The following PDSS2 variants were observed in gnomAD, a reference collection of about 807,000 sequenced individuals.
The protein encoded by PDSS2 is all trans-polyprenyl-diphosphate synthase PDSS2.
PDSS2 carries 31 observed loss-of-function variants against 44.5 expected under a neutral mutation model. The ratio of observed to expected loss-of-function variants is 0.70; its 90% CI spans 0.52 to 0.94. PDSS2 has a LOEUF of 0.94. Among genes scored for constraint, PDSS2 ranks in the 40% least tolerant of loss-of-function variants. The pLI, the probability that PDSS2 is intolerant of heterozygous loss-of-function variation, is 0.00. For synonymous variants in PDSS2, 157 were observed against 180.3 expected (o/e 0.87, Z 1.03); for missense variants, 452 against 482.2 (o/e 0.94, Z 0.59).
rs114145391 is a variant in PDSS2 at position 107,322,193 on chromosome 6, T to C, written c.431+12005A>G. Among the ~76,000 whole-genome samples the C allele has an allele frequency of 4.4e-3, 667 of 152,260 alleles. 7 individuals carry two copies. Among genetic ancestry groups the C allele is most frequent in the African/African-American group, 0.013 (534 of 41,538 alleles). On this transcript the variant is annotated intron_variant, in intron 2 of 7. Coordinates refer to ENST00000369037, the MANE Select transcript of PDSS2 (RefSeq NM_020381.4). ...GTATCTAATCCTGTAGGGAATGCAA[T>C]TGAAGAGTTAAGGATGTTTTACTCC...
chr6:107,403,584 T>A (rs946138469), intron 1 of PDSS2, among the ~76,000 whole-genome samples: 1 of 152,212 alleles, frequency 6.6e-6, no homozygotes, highest in Non-Finnish European at 1.5e-5. Flanking sequence ...TTTCCATACA[T>A]CCTCCAAAAT....
chr6:107,373,563 C>T (rs980334716), intron 1 of PDSS2, among the ~76,000 whole-genome samples: 1 of 152,188 alleles, frequency 6.6e-6, no homozygotes, highest in Non-Finnish European at 1.5e-5. Context: ...CACATTCCTC[C>T]AGGAATTCTC....
intron 1 of PDSS2, among the ~76,000 whole-genome samples, chr6:107,403,324 C>A (rs1780206600): frequency 6.6e-6 from 1 of 152,236 alleles, no homozygotes; most frequent in Admixed American, 6.5e-5. Flanking sequence ...CCGTCTTGGG[C>A]AACTCAGCCC....
At chr6:107,247,079 C>A (rs1286245330) in intron 3 of PDSS2, among the ~76,000 whole-genome samples, 1 of 152,106 alleles carries the variant, frequency 6.6e-6, no homozygotes, top group Non-Finnish European at 1.5e-5. Flanking sequence ...GACTGAGTAT[C>A]GCCAATAGGT....
intron 2 of PDSS2, among the ~76,000 whole-genome samples, chr6:107,315,021 T>A (rs1215065516): frequency 6.6e-6 from 1 of 152,238 alleles, no homozygotes; most frequent in African/African-American, 2.4e-5. Flanking sequence ...AGTACCAACC[T>A]GTACTTTAAA....
rs752567339 is a variant in PDSS2, at chr6:107,245,652, A to C, written c.631-33T>G. On this transcript the variant is annotated intron_variant, in intron 3 of 7. Coordinates refer to ENST00000369037, the MANE Select transcript of PDSS2 (RefSeq NM_020381.4). ...GCAAGAAGAAAAATAAAAATAAAAA[A>C]ATTTAAATATATCTCTATTGTTACC... is the stretch of plus-strand genomic sequence containing the variant. The C allele has an allele frequency of 3.0e-6, 4 of 1,328,350 alleles. No homozygotes were observed. In the East Asian group the frequency reaches 7.6e-5, roughly 25 times the overall value. 82.3% of individuals were successfully genotyped at this position (1,328,350 alleles called of 1,614,324 possible).
intron 2 of PDSS2, among the ~76,000 whole-genome samples, chr6:107,329,906 C>T (rs936695754): frequency 1.3e-5 from 2 of 149,746 alleles, no homozygotes; most frequent in African/African-American, 4.9e-5. Context: ...GTAGCTCAGG[C>T]AGGAGAATTG....
chr6:107,290,721 C>A (rs947326730), intron 2 of PDSS2, among the ~76,000 whole-genome samples: 1 of 152,206 alleles, frequency 6.6e-6, no homozygotes, highest in Non-Finnish European at 1.5e-5. Context: ...GAGGTCTCTG[C>A]AAAAGTGCAC....
chr6:107,458,412 C>CAAAAAAAAAA lies in PDSS2; in HGVS notation c.296+568_296+577dup, dbSNP rs60758453. 1.9e-3 allele frequency among the ~76,000 whole-genome samples: 146 copies of CAAAAAAAAAA among 78,114 alleles called. 26 individuals are homozygous for CAAAAAAAAAA. The highest frequency in any genetic ancestry group is 7.0e-3 in the African/African-American group (109 of 15,620). 51.2% of individuals were successfully genotyped at this position (78,114 alleles called of 152,430 possible). A position where few individuals can be genotyped will look rare whatever the true frequency, so the allele number is the denominator to read the frequency against. ...TGGGCGACAAAGCGAGACTCCGTCT[C>CAAAAAAAAAA]AAAAAAAAAAAAAAAAAAAACTTTT... On this transcript the variant is annotated intron_variant, in intron 1 of 7. Transcript: ENST00000369037.
At chr6:107,398,381 T>C (rs982146942) in intron 1 of PDSS2, among the ~76,000 whole-genome samples, 18 of 152,210 alleles carry the variant, frequency 1.2e-4, no homozygotes, top group Admixed American at 4.6e-4. Flanking sequence ...AAATGTTTAT[T>C]AATGTTCACA....
At chr6:107,404,046 T>C (rs996545179) in intron 1 of PDSS2, among the ~76,000 whole-genome samples, 1 of 152,222 alleles carries the variant, frequency 6.6e-6, no homozygotes, top group African/African-American at 2.4e-5. Flanking sequence ...CTGCTTCCTC[T>C]TGAATGCTTT....
Position 107,274,548 on chromosome 6 carries a change from G to A in PDSS2, c.432-321C>T, listed in dbSNP as rs187291407. Reference sequence around the variant, plus strand: ...TGTGCTCTTGGTATACTTTCCTCACGCTCATAACTTCAAAATTTCTAAGAC... The same window carrying A: ...TGTGCTCTTGGTATACTTTCCTCACACTCATAACTTCAAAATTTCTAAGAC... On this transcript the variant is annotated intron_variant, in intron 2 of 7. Coordinates refer to ENST00000369037, the MANE Select transcript of PDSS2 (RefSeq NM_020381.4). Among the ~76,000 whole-genome samples, 67 of 152,006 alleles carry A rather than the reference G, an allele frequency of 4.4e-4. 2 individuals carry two copies. The East Asian group carries it at 0.012, about 28-fold the overall frequency.
intron 1 of PDSS2, among the ~76,000 whole-genome samples, chr6:107,349,326 G>C (rs1353845989): frequency 6.6e-6 from 1 of 152,070 alleles, no homozygotes; most frequent in Non-Finnish European, 1.5e-5. Context: ...CCAGCTACTC[G>C]TGAGGCTGAG....
intron 3 of PDSS2, among the ~76,000 whole-genome samples, chr6:107,255,510 A>G (rs533752608): frequency 1.3e-5 from 2 of 151,946 alleles, no homozygotes; most frequent in African/African-American, 4.8e-5. Context: ...TGAACCCGGG[A>G]ATCGCTTGAA....
At chr6:107,396,368 G>A (rs1779940067) in intron 1 of PDSS2, among the ~76,000 whole-genome samples, 1 of 152,196 alleles carries the variant, frequency 6.6e-6, no homozygotes, top group Non-Finnish European at 1.5e-5. Context: ...AGATCTGGAA[G>A]TTGCCTCCAG....
At chr6:107,436,953 G>T (rs946757196) in intron 1 of PDSS2, among the ~76,000 whole-genome samples, 1 of 151,886 alleles carries the variant, frequency 6.6e-6, no homozygotes, top group African/African-American at 2.4e-5. Flanking sequence ...ATACTAAATT[G>T]CTATTCCCAA....
intron 1 of PDSS2, among the ~76,000 whole-genome samples, chr6:107,426,307 G>A (rs1053264197): frequency 1.3e-5 from 2 of 152,194 alleles, no homozygotes; most frequent in Admixed American, 1.3e-4. Flanking sequence ...ACGGTGTTGA[G>A]CCTTTGAGTG....
At chr6:107,401,998 G>C (rs568917915) in intron 1 of PDSS2, among the ~76,000 whole-genome samples, 3 of 152,148 alleles carry the variant, frequency 2.0e-5, no homozygotes, top group African/African-American at 7.2e-5. Flanking sequence ...CAAAAATTAG[G>C]CCGGGCGCAG....
At chr6:107,283,979 T>G (rs965050297) in intron 2 of PDSS2, among the ~76,000 whole-genome samples, 3 of 151,920 alleles carry the variant, frequency 2.0e-5, no homozygotes, top group Non-Finnish European at 4.4e-5. Flanking sequence ...TGAGCCTAGA[T>G]GGTGCCATTG....
Sources: allele counts gnomAD v4.1 joint callset (sites outside exome capture counted in the v4.1 genomes callset), GRCh38; gene constraint gnomAD v4.1.1; transcripts MANE v1.5; gene names NCBI Gene and HGNC (gene_info 2026-07-23, HGNC 2026-07-21).